GTSE1: variants seen among roughly 807,000 people sequenced by gnomAD.
GTSE1 encodes the protein G2 and S phase-expressed protein 1.
Under a neutral mutation model 60.5 loss-of-function variants are expected in GTSE1, and 52 were observed. The observed-to-expected ratio is 0.86, with a 90% CI of 0.69 to 1.08. GTSE1 has a LOEUF of 1.08. Among genes scored for constraint, GTSE1 ranks in the 50% least tolerant of loss-of-function variants. GTSE1 has a pLI of 0.00. For missense variants in GTSE1, 937 were observed against 961.8 expected, an observed-to-expected ratio of 0.97 and a Z score of 0.34; for synonymous variants, 368 against 386.5, an observed-to-expected ratio of 0.95 and a Z score of 0.56.
At position 46,330,215 on chromosome 22, in the gene GTSE1, CT is replaced by C; in HGVS notation, c.*87del. 1 of 813,802 alleles carries C rather than the reference CT, an allele frequency of 1.2e-6. No individual in the cohort carries two copies. Among genetic ancestry groups the C allele is most frequent in the Non-Finnish European group, 2.2e-6 (1 of 462,710 alleles). 50.4% of individuals were successfully genotyped at this position (813,802 alleles called of 1,614,324 possible). Reference sequence around the variant, plus strand: ...ACAAGCTTTAGGCTGGTCGCAGTGGCTTACACTTGTAACCCTAGAACTTGGG... The same window carrying C: ...ACAAGCTTTAGGCTGGTCGCAGTGGCTACACTTGTAACCCTAGAACTTGGG... On this transcript the variant is annotated 3_prime_UTR_variant, in exon 12 of 12. Transcript: ENST00000454366. This position sits in a 1 kb window ranked among gnomAD's most constrained non-coding sequence, Gnocchi z 6.0.
intron 9 of GTSE1, chr22:46,327,076 A>G (rs1419102046): frequency 6.3e-6 from 1 of 159,954 alleles, no homozygotes; most frequent in Non-Finnish European, 1.4e-5. Flanking sequence ...GGTGGCGTGC[A>G]CTGTAGTCCC....
intron 2 of GTSE1, among the ~76,000 whole-genome samples, chr22:46,305,042 C>T (rs2077708496): frequency 6.6e-6 from 1 of 152,182 alleles, no homozygotes; most frequent in Admixed American, 6.5e-5. Flanking sequence ...CTTTATTGAT[C>T]ACTTTCTAGG....
rs2077800425 is a variant in GTSE1, at chr22:46,319,542, G to A, written c.1432+3130G>A. Among the ~76,000 whole-genome samples the A allele has an allele frequency of 6.6e-6, 1 of 152,172 alleles. No homozygotes were observed. Among genetic ancestry groups the A allele is most frequent in the African/African-American group, 2.4e-5 (1 of 41,434 alleles). On this transcript the variant is annotated intron_variant, in intron 7 of 11. Transcript: ENST00000454366. The surrounding 1 kb of genome is among the most constrained non-coding windows in gnomAD (Gnocchi z 5.0). ...ACAGGAGGGCTGGAAGAGGCAGCGG[G>A]CAGAGTCCACGGCCCCATTTTGGAA...
Position 46,313,791 on chromosome 22 carries a change from G to A in GTSE1, c.928-99G>A. On this transcript the variant is annotated intron_variant, in intron 5 of 11. Coordinates refer to ENST00000454366, the MANE Select transcript of GTSE1 (RefSeq NM_016426.7). This position sits in a 1 kb window ranked among gnomAD's most constrained non-coding sequence, Gnocchi z 4.4. ...CAAAGTGCTGGGATTACAGGCGTGAGCCACCGTGCCCAGCCAAAAACCCCT... is the reference window on the plus strand; with the variant it reads ...CAAAGTGCTGGGATTACAGGCGTGAACCACCGTGCCCAGCCAAAAACCCCT... 1 of 1,350,646 alleles carries A rather than the reference G, an allele frequency of 7.4e-7. No individual in the cohort carries two copies. The highest frequency in any genetic ancestry group is 1.8e-5 in the Admixed American group (1 of 57,142). The allele number at this position is 1,350,646 out of a possible 1,614,324, so 83.7% of individuals were successfully genotyped here.
chr22:46,306,521 C>T (rs1378740063), intron 2 of GTSE1, among the ~76,000 whole-genome samples: 8 of 151,810 alleles, frequency 5.3e-5, no homozygotes, highest in Admixed American at 6.6e-5. Flanking sequence ...TGCTGTGTCA[C>T]CCAGGCTGGA....
Position 46,297,482 on chromosome 22 carries a change from AAG to A in GTSE1, c.79+4_79+5del. 1 of 1,600,674 alleles carries A rather than the reference AAG, an allele frequency of 6.2e-7. No homozygotes were observed. Among genetic ancestry groups the A allele is most frequent in the Non-Finnish European group, 8.6e-7 (1 of 1,168,064 alleles). ...CATGGATGACCCTAAGAAGGAAGGC[AAG>A]TCCTTGCTGCTGCGGCGCTGTTGTT... On this transcript the variant is annotated splice_donor_5th_base_variant and intron_variant, in intron 2 of 11. Transcript: ENST00000454366. The surrounding 1 kb of genome is among the most constrained non-coding windows in gnomAD (Gnocchi z 4.9).
chr22:46,310,311 G>A lies in GTSE1; in HGVS notation c.762+1368G>A, dbSNP rs1159900768. Among the ~76,000 whole-genome samples, 2 of 152,224 alleles carry A rather than the reference G, an allele frequency of 1.3e-5. No homozygotes were observed. ...TTTTGAGGATGAGGATGTTGTGGAG[G>A]ATGAGGAGAAGGCTGAGGATGTGGA... On this transcript the variant is annotated intron_variant, in intron 4 of 11. Transcript: ENST00000454366. The surrounding 1 kb of genome is among the most constrained non-coding windows in gnomAD (Gnocchi z 4.4).
At chr22:46,299,454 A>G (rs1028639937) in intron 2 of GTSE1, among the ~76,000 whole-genome samples, 5 of 152,208 alleles carry the variant, frequency 3.3e-5, no homozygotes, top group African/African-American at 1.2e-4. Flanking sequence ...CTGCATCTGC[A>G]TACCCTGTTC....
At chr22:46,302,307 T>C (rs1469864807) in intron 2 of GTSE1, among the ~76,000 whole-genome samples, 1 of 152,204 alleles carries the variant, frequency 6.6e-6, no homozygotes, top group Non-Finnish European at 1.5e-5. Context: ...ATTTCTTGTT[T>C]AACTTATTGT....
rs750048735 is a variant in GTSE1, at chr22:46,297,439, C to T, written c.39C>T (p.Cys13=). 1.9e-6 allele frequency: 3 copies of T among 1,613,544 alleles called. No homozygotes were observed. In the African/African-American group the frequency reaches 4.0e-5, roughly 22 times the overall value. ...GGGGRDEPSA[C]RAGDVNMDDP... is the part of the protein sequence containing the mutation. ...GCGGCCGCGATGAGCCTTCAGCCTGCCGGGCAGGGGACGTGAACATGGATG... is the reference window on the plus strand; with the variant it reads ...GCGGCCGCGATGAGCCTTCAGCCTGTCGGGCAGGGGACGTGAACATGGATG... The change falls in exon 2 of 12, where the codon TGC becomes TGT. Residue 13 remains cysteine (C), a synonymous_variant. Transcript: ENST00000454366. This position sits in a 1 kb window ranked among gnomAD's most constrained non-coding sequence, Gnocchi z 4.9.
chr22:46,325,406 C>G (rs1171608751), intron 8 of GTSE1, among the ~76,000 whole-genome samples: 10 of 152,178 alleles, frequency 6.6e-5, no homozygotes, highest in Admixed American at 6.5e-4. Context: ...CCGTGTTAGC[C>G]AGGATGGTCT....
chr22:46,315,380 G>C (rs937506964), intron 6 of GTSE1, among the ~76,000 whole-genome samples: 1 of 152,088 alleles, frequency 6.6e-6, no homozygotes, highest in African/African-American at 2.4e-5. Flanking sequence ...TTTTTGTAGA[G>C]AGGATGGTCT....
intron 8 of GTSE1, among the ~76,000 whole-genome samples, chr22:46,325,415 C>A (rs971069045): frequency 5.3e-5 from 8 of 152,112 alleles, no homozygotes; most frequent in African/African-American, 1.9e-4. Context: ...CCAGGATGGT[C>A]TTGATCTCCT....
At position 46,329,334 on chromosome 22, in the gene GTSE1, T is replaced by C. The variant is rs111610123; in HGVS notation, c.1927-24T>C. ...TTGCCAGAAAGATGCTGGACTCTGC[T>C]CTTAACCTTGGTTTTGTACCCAGGC... On this transcript the variant is annotated intron_variant, in intron 10 of 11. Coordinates refer to ENST00000454366, the MANE Select transcript of GTSE1 (RefSeq NM_016426.7). This position sits in a 1 kb window ranked among gnomAD's most constrained non-coding sequence, Gnocchi z 6.4. 23 of 1,571,448 alleles carry C rather than the reference T, an allele frequency of 1.5e-5. No homozygotes were observed. In the African/African-American group the frequency reaches 1.6e-4, roughly 11 times the overall value.
rs747502735 is a variant in GTSE1 at position 46,308,897 on chromosome 22, G to A, written c.716G>A (p.Arg239Gln). 8 of 1,612,978 alleles carry A rather than the reference G, an allele frequency of 5.0e-6. No individual in the cohort carries two copies. Among genetic ancestry groups the A allele is most frequent in the South Asian group, 2.2e-5 (2 of 91,066 alleles). The change falls in exon 4 of 12, where the codon CGA (arginine) becomes CAA (glutamine). Residue 239 changes from arginine (R) to glutamine (Q), a missense_variant. Arg to Gln is a conservative substitution (Grantham distance 43, BLOSUM62 1). Transcript: ENST00000454366. ...CCCGGGACCAAATTGCTGCTGCCTC[G>A]AGCGGCCTCTGTTAGAGGAAGAAGC... ...RKPGTKLLLP[R>Q]AASVRGRSIP... is the part of the protein sequence containing the mutation.
At position 46,324,625 on chromosome 22, in the gene GTSE1, G is replaced by T. The variant is rs148234360; in HGVS notation, c.1505+1363G>T. On this transcript the variant is annotated intron_variant, in intron 8 of 11. Coordinates refer to ENST00000454366, the MANE Select transcript of GTSE1 (RefSeq NM_016426.7). This position sits in a 1 kb window ranked among gnomAD's most constrained non-coding sequence, Gnocchi z 5.2. ...CTCGTGATCCACCAGCCTTGGCCTC[G>T]CAAAGTGCTGGGATTACAGGTGTGA... 1.5e-3 allele frequency among the ~76,000 whole-genome samples: 234 copies of T among 152,136 alleles called. 1 individual carries two copies. The highest frequency in any genetic ancestry group is 5.4e-3 in the African/African-American group (224 of 41,512).
chr22:46,299,666 G>A (rs2077678020), intron 2 of GTSE1, among the ~76,000 whole-genome samples: 2 of 152,108 alleles, frequency 1.3e-5, no homozygotes, highest in Admixed American at 6.6e-5. Context: ...TCTACTTCCC[G>A]TTGGCTAATA....
chr22:46,330,096 A>G lies in GTSE1; in HGVS notation c.2186A>G (p.Lys729Arg). ...PLIQLSPEAD[K>R]ENVDSPLLKF ...ATCCAGCTGAGCCCTGAGGCTGACAAGGAGAACGTGGATTCCCCACTCCTC... is the reference window on the plus strand; with the variant it reads ...ATCCAGCTGAGCCCTGAGGCTGACAGGGAGAACGTGGATTCCCCACTCCTC... The change falls in exon 12 of 12, where the codon AAG (lysine) becomes AGG (arginine). Residue 729 changes from lysine to arginine, a missense_variant. Coordinates refer to ENST00000454366, the MANE Select transcript of GTSE1 (RefSeq NM_016426.7). The surrounding 1 kb of genome is among the most constrained non-coding windows in gnomAD (Gnocchi z 6.0). The G allele has an allele frequency of 6.2e-7, 1 of 1,611,188 alleles. No individual in the cohort carries two copies.
intron 7 of GTSE1, among the ~76,000 whole-genome samples, chr22:46,322,165 G>C (rs1427433314): frequency 6.6e-6 from 1 of 152,094 alleles, no homozygotes; most frequent in Admixed American, 6.5e-5. Context: ...AGCGGGGCAG[G>C]GACGTGGGAC....
Sources: gnomAD v4.1 joint callset for allele counts (sites outside exome capture counted in the v4.1 genomes callset) on GRCh38, gnomAD v4.1.1 for gene constraint, Gnocchi (gnomAD v3.1) non-coding constraint, MANE v1.5 for transcripts, NCBI Gene and HGNC (gene_info 2026-07-23, HGNC 2026-07-21) for gene names.